The following CELF5 variants were observed in gnomAD, a reference collection of about 807,000 sequenced individuals.
CELF5 encodes the protein CUGBP Elav-like family member 5.
Under a neutral mutation model 54.9 loss-of-function variants are expected in CELF5, and 6 were observed. That is an observed-to-expected ratio of 0.11 (90% CI 0.06 to 0.22). CELF5 has a LOEUF of 0.22. CELF5 is among the 10% of genes least tolerant of loss of function. The probability of loss-of-function intolerance (pLI) is 1.00; values close to 1 mark genes in which losing one functional copy is unlikely to be tolerated. For missense variants in CELF5, 401 were observed against 678.6 expected (o/e 0.59, Z 4.54); for synonymous variants, 271 against 290.9 (o/e 0.93, Z 0.70).
rs17674346 is a variant in CELF5 at position 3,294,080 on chromosome 19, A to G, written c.*40+594A>G. 19,143 of 152,166 alleles carry G rather than the reference A, an allele frequency of 0.13. 1,297 individuals are homozygous for G. Among genetic ancestry groups the G allele is most frequent in the Middle Eastern group, 0.22 (64 of 294 alleles). The allele number at this position is 152,166 out of a possible 1,614,324, so 9.4% of individuals were successfully genotyped here. On this transcript the variant is annotated intron_variant, in intron 12 of 12. Transcript: ENST00000292672. Reference sequence around the variant, plus strand: ...CCTCACTGGGTGTCATTCCTACCCAATGAGTTGATGGAAAAGTGGGATTCG... The same window carrying G: ...CCTCACTGGGTGTCATTCCTACCCAGTGAGTTGATGGAAAAGTGGGATTCG...
chr19:3,256,608 G>A (rs951907292), intron 2 of CELF5, among the ~76,000 whole-genome samples: 8 of 150,910 alleles, frequency 5.3e-5, no homozygotes, highest in Non-Finnish European at 2.9e-5. Context: ...TAACTCTGTC[G>A]CCCAGGCTGG....
At chr19:3,250,940 G>T in intron 1 of CELF5, 45 bp from the exon 2 acceptor site, 1 of 1,441,438 alleles carries the variant, frequency 6.9e-7, no homozygotes, top group Non-Finnish European at 9.8e-7. Flanking sequence ...TGTGACCATG[G>T]GTGTGCCCGT....
chr19:3,242,262 G>A (rs1009331044), intron 1 of CELF5, among the ~76,000 whole-genome samples: 7 of 152,242 alleles, frequency 4.6e-5, no homozygotes, highest in African/African-American at 9.6e-5. Context: ...GGCCGGGCAC[G>A]ATGGCTCGCA....
At chr19:3,256,694 G>A (rs148665181) in intron 2 of CELF5, among the ~76,000 whole-genome samples, 16,061 of 150,258 alleles carry the variant, frequency 0.11, 885 homozygotes, top group Non-Finnish European at 0.12. Context: ...TCAGCCTCCC[G>A]AGTAGCTGGA....
intron 10 of CELF5, among the ~76,000 whole-genome samples, chr19:3,288,432 G>T (rs1015563780): frequency 1.3e-5 from 2 of 152,126 alleles, no homozygotes; most frequent in African/African-American, 4.8e-5. Flanking sequence ...TGAGGCAGGA[G>T]AATCTCTTGA....
chr19:3,279,062 A>G (rs1303774282), intron 5 of CELF5, among the ~76,000 whole-genome samples: 1 of 152,160 alleles, frequency 6.6e-6, no homozygotes, highest in African/African-American at 2.4e-5. Context: ...GCTAATGTAG[A>G]GGATGGGCAG....
chr19:3,235,289 T>TC (rs984794116), intron 1 of CELF5, among the ~76,000 whole-genome samples: 9 of 151,876 alleles, frequency 5.9e-5, no homozygotes, highest in Non-Finnish European at 1.0e-4. Context: ...CTCCCAGAAC[T>TC]CCAAGTTCCT....
In CELF5 at chr19:3,247,768, T is replaced by A. The variant is rs531255403; in HGVS notation, c.260-3217T>A. On this transcript the variant is annotated intron_variant, in intron 1 of 12. Transcript: ENST00000292672. ...AATATGAAATGTACCGTTAAAAAAT[T>A]TTTTTTTAATTGAGAAAGCACTTTG... Among the ~76,000 whole-genome samples the A allele has an allele frequency of 1.3e-4, 20 of 151,758 alleles. 2 individuals are homozygous for A. The South Asian group carries it at 3.1e-3, about 24-fold the overall frequency.
intron 2 of CELF5, among the ~76,000 whole-genome samples, chr19:3,251,657 T>C (rs1037409257): frequency 1.0e-4 from 13 of 130,476 alleles, no homozygotes; most frequent in African/African-American, 2.7e-4. Context: ...GGCTTCTTTT[T>C]TTTTTTTTTT....
At chr19:3,226,440 T>TCTCACACACACACACACA (rs1555715645) in intron 1 of CELF5, among the ~76,000 whole-genome samples, 3 of 118,876 alleles carry the variant, frequency 2.5e-5, no homozygotes, top group Non-Finnish European at 5.1e-5. Context: ...AAACCAACCA[T>TCTCACACACACACACACA]CACACACACA....
chr19:3,243,038 TC>T (rs1389489696), intron 1 of CELF5, among the ~76,000 whole-genome samples: 1 of 152,064 alleles, frequency 6.6e-6, no homozygotes, highest in Non-Finnish European at 1.5e-5. Context: ...GCAAGCCACT[TC>T]CCCTCTCTGT....
At chr19:3,229,696 A>G (rs1445406826) in intron 1 of CELF5, among the ~76,000 whole-genome samples, 1 of 152,228 alleles carries the variant, frequency 6.6e-6, no homozygotes, top group African/African-American at 2.4e-5. Context: ...GGCTGTTGGC[A>G]TGGGGCCGGG....
At chr19:3,291,765 G>A (rs1453753822) in intron 11 of CELF5, among the ~76,000 whole-genome samples, 1 of 151,510 alleles carries the variant, frequency 6.6e-6, no homozygotes, top group African/African-American at 2.4e-5. Flanking sequence ...GAGGGAGGAG[G>A]GGGAACATGG....
chr19:3,275,841 T>A lies in CELF5; in HGVS notation c.395-15T>A. The A allele has an allele frequency of 6.3e-7, 1 of 1,599,074 alleles. No individual in the cohort carries two copies. The highest frequency in any genetic ancestry group is 8.5e-7 in the Non-Finnish European group (1 of 1,169,590). The stretch of plus-strand genomic sequence containing the variant: ...AGGCCGGGGACTCGGCTGAGGTGGG[T>A]GTCGCCGCCCACAGGGGACCGGAAG... On this transcript the variant is annotated splice_polypyrimidine_tract_variant and intron_variant, in intron 3 of 12. Transcript: ENST00000292672. The surrounding 1 kb of genome is among the most constrained non-coding windows in gnomAD (Gnocchi z 6.7).
intron 1 of CELF5, among the ~76,000 whole-genome samples, chr19:3,238,091 C>T (rs1022191185): frequency 2.0e-5 from 3 of 152,062 alleles, no homozygotes; most frequent in African/African-American, 4.8e-5. Flanking sequence ...CCATGGGTCA[C>T]GCCTGTAATC....
intron 1 of CELF5, among the ~76,000 whole-genome samples, chr19:3,239,091 T>C (rs538873198): frequency 4.6e-5 from 7 of 152,186 alleles, no homozygotes; most frequent in Admixed American, 3.3e-4. Flanking sequence ...TTTTTTAAAA[T>C]TTTATAAAAT....
chr19:3,241,551 A>G (rs1432513396), intron 1 of CELF5, among the ~76,000 whole-genome samples: 2 of 151,740 alleles, frequency 1.3e-5, no homozygotes, highest in Non-Finnish European at 2.9e-5. Flanking sequence ...TGCCCTTGCC[A>G]TCTGGGGCAG....
rs1196351627 is a variant in CELF5 at position 3,284,010 on chromosome 19, G to A, written c.1040-892G>A. Among the ~76,000 whole-genome samples, 21 of 151,410 alleles carry A rather than the reference G, an allele frequency of 1.4e-4. No homozygotes were observed. The Admixed American group carries it at 1.4e-3, about 10-fold the overall frequency. On this transcript the variant is annotated intron_variant, in intron 8 of 12. Coordinates refer to ENST00000292672, the MANE Select transcript of CELF5 (RefSeq NM_021938.4). ...GTGCCATTATGCTTGGCTAATTTTC[G>A]ATTTTATTTTATTTTTTAAGAAATG...
At position 3,278,679 on chromosome 19, in the gene CELF5, TTGTGTGTG is replaced by T. The variant is rs3046138; in HGVS notation, c.603+583_603+590del. Among the ~76,000 whole-genome samples the T allele has an allele frequency of 4.0e-5, 6 of 148,994 alleles. No individual in the cohort carries two copies. In the East Asian group the frequency reaches 1.2e-3, roughly 29 times the overall value. Reference sequence around the variant, plus strand: ...TCTGCAGGTGCATTTGTGGGCAGGTTTGTGTGTGTGTGTGTGTGTGTTTGTGTGTGTGC... The same window carrying T: ...TCTGCAGGTGCATTTGTGGGCAGGTTTGTGTGTGTGTGTTTGTGTGTGTGC... On this transcript the variant is annotated intron_variant, in intron 5 of 12. Coordinates refer to ENST00000292672, the MANE Select transcript of CELF5 (RefSeq NM_021938.4). This position sits in a 1 kb window ranked among gnomAD's most constrained non-coding sequence, Gnocchi z 4.5.
Sources: gnomAD v4.1 joint callset for allele counts (sites outside exome capture counted in the v4.1 genomes callset) on GRCh38, gnomAD v4.1.1 for gene constraint, Gnocchi (gnomAD v3.1) non-coding constraint, MANE v1.5 for transcripts, NCBI Gene and HGNC (gene_info 2026-07-23, HGNC 2026-07-21) for gene names.